The following CD58 variants were observed in gnomAD, a reference collection of about 807,000 sequenced individuals.
CD58 encodes the protein lymphocyte function-associated antigen 3.
CD58 carries 14 observed loss-of-function variants against 27.6 expected under a neutral mutation model. That is an observed-to-expected ratio of 0.51 (90% CI 0.34 to 0.79). The LOEUF is 0.79. CD58 is among the 30% of genes least tolerant of loss of function. The probability of loss-of-function intolerance (pLI) is 0.02; values close to 1 mark genes in which losing one functional copy is unlikely to be tolerated. For missense variants in CD58, 268 were observed against 301.7 expected (o/e 0.89, Z 0.83); for synonymous variants, 117 against 103.8 (o/e 1.13, Z -0.77).
rs868654964 is a variant in CD58, at chr1:116,570,945, C to A, written c.28G>T (p.Ala10Ser). 6.4e-7 allele frequency: 1 copy of A among 1,566,442 alleles called. No individual in the cohort carries two copies. The change falls in exon 1 of 6, where the codon GCC (alanine) becomes TCC (serine). Residue 10 changes from alanine (A) to serine (S), a missense_variant. Ala to Ser is a moderately conservative substitution (Grantham distance 99, BLOSUM62 1). Transcript: ENST00000369489. This position sits in a 1 kb window ranked among gnomAD's most constrained non-coding sequence, Gnocchi z 6.4. ...CAGACCACGCTGAGGACCCCCAGGG[C>A]CCGCCCCGCGTCGCTCCCAGCAACC... is the stretch of plus-strand genomic sequence containing the variant. MVAGSDAGR[A>S]LGVLSVVCLL...
rs1657382321 is a variant in CD58, at chr1:116,524,922, G to A, written c.629-2939C>T. ...CTTCACTTGGCTTTAAATATTTTGA[G>A]TTTCAGGTTCACAACAAAACTGAGC... On this transcript the variant is annotated intron_variant, in intron 3 of 5. Transcript: ENST00000369489. This position sits in a 1 kb window ranked among gnomAD's most constrained non-coding sequence, Gnocchi z 4.6. Among the ~76,000 whole-genome samples, 2 of 152,176 alleles carry A rather than the reference G, an allele frequency of 1.3e-5. No homozygotes were observed. Among genetic ancestry groups the A allele is most frequent in the African/African-American group, 4.8e-5 (2 of 41,446 alleles).
chr1:116,542,692 C>G (rs1658030046), intron 2 of CD58, among the ~76,000 whole-genome samples: 1 of 152,116 alleles, frequency 6.6e-6, no homozygotes, highest in South Asian at 2.1e-4. Context: ...GGTAGAAGCA[C>G]TAGGGTGATA....
At chr1:116,514,999 A>G (rs1045836986) in intron 5 of CD58, among the ~76,000 whole-genome samples, 177 bp from the exon 6 acceptor site, 7 of 152,220 alleles carry the variant, frequency 4.6e-5, no homozygotes, top group Non-Finnish European at 8.8e-5. Context: ...CTCTTGGGAT[A>G]GTAGTCTGAG....
rs569917098 is a variant in CD58, at chr1:116,546,504, C to G, written c.71-1900G>C. 2.5e-4 allele frequency among the ~76,000 whole-genome samples: 38 copies of G among 152,106 alleles called. No homozygotes were observed. Among genetic ancestry groups the G allele is most frequent in the Admixed American group, 5.9e-4 (9 of 15,278 alleles). On this transcript the variant is annotated intron_variant, in intron 1 of 5. Coordinates refer to ENST00000369489, the MANE Select transcript of CD58 (RefSeq NM_001779.3). The surrounding 1 kb of genome is among the most constrained non-coding windows in gnomAD (Gnocchi z 4.1). ...ATGTGGGAAGGCACAAGAAAAAGTA[C>G]AGAATTCAAGGGGTGAGAGTCTACC...
chr1:116,556,794 A>C (rs986433670), intron 1 of CD58, among the ~76,000 whole-genome samples: 1 of 152,252 alleles, frequency 6.6e-6, no homozygotes, highest in Non-Finnish European at 1.5e-5. Context: ...CAGCGGGCCA[A>C]GTGTGAGTCA....
Position 116,517,742 on chromosome 1 carries a change from C to T in CD58, c.743+1489G>A, listed in dbSNP as rs1657129125. Among the ~76,000 whole-genome samples, 1 of 152,160 alleles carries T rather than the reference C, an allele frequency of 6.6e-6. No individual in the cohort carries two copies. The highest frequency in any genetic ancestry group is 2.4e-5 in the African/African-American group (1 of 41,430). On this transcript the variant is annotated intron_variant, in intron 5 of 5. Transcript: ENST00000369489. This position sits in a 1 kb window ranked among gnomAD's most constrained non-coding sequence, Gnocchi z 6.5. ...TTCTTTCTTAGTGACCTCAGGTGCTCACGGCATCAATTACTGTCCAGATGA... is the reference window on the plus strand; with the variant it reads ...TTCTTTCTTAGTGACCTCAGGTGCTTACGGCATCAATTACTGTCCAGATGA...
At chr1:116,562,120 A>G (rs753323043) in intron 1 of CD58, among the ~76,000 whole-genome samples, 1 of 152,224 alleles carries the variant, frequency 6.6e-6, no homozygotes, top group Non-Finnish European at 1.5e-5. Flanking sequence ...ATGCTGGACA[A>G]ATACATTGTC....
chr1:116,538,325 T>C lies in CD58; in HGVS notation c.365-2097A>G, dbSNP rs186508245. ...AGCCTAGAGCCCTGCTCTCCTAACT[T>C]CCTCTGGTCCCTTTTGCCCACCCCA... is the stretch of plus-strand genomic sequence containing the variant. On this transcript the variant is annotated intron_variant, in intron 2 of 5. Coordinates refer to ENST00000369489, the MANE Select transcript of CD58 (RefSeq NM_001779.3). This position sits in a 1 kb window ranked among gnomAD's most constrained non-coding sequence, Gnocchi z 4.7. Among the ~76,000 whole-genome samples the C allele has an allele frequency of 2.6e-5, 4 of 152,250 alleles. No individual in the cohort carries two copies. Among genetic ancestry groups the C allele is most frequent in the Non-Finnish European group, 4.4e-5 (3 of 68,024 alleles).
At chr1:116,529,432 C>A (rs777619935) in intron 3 of CD58, among the ~76,000 whole-genome samples, 1 of 152,210 alleles carries the variant, frequency 6.6e-6, no homozygotes, top group Non-Finnish European at 1.5e-5. Flanking sequence ...AATTTTCAAA[C>A]GGTTAACCAA....
In CD58 at chr1:116,515,892, G is replaced by T. The variant is rs1302183407; in HGVS notation, c.744-1070C>A. Among the ~76,000 whole-genome samples, 1 of 152,132 alleles carries T rather than the reference G, an allele frequency of 6.6e-6. No individual in the cohort carries two copies. Among genetic ancestry groups the T allele is most frequent in the East Asian group, 1.9e-4 (1 of 5,198 alleles). On this transcript the variant is annotated intron_variant, in intron 5 of 5. Coordinates refer to ENST00000369489, the MANE Select transcript of CD58 (RefSeq NM_001779.3). This position sits in a 1 kb window ranked among gnomAD's most constrained non-coding sequence, Gnocchi z 4.6. ...TCAGATGTCTGCTATCTACTCATCT[G>T]TCCTCTGTTGTTCCTAATTGGGTTT...
At chr1:116,560,117 G>A (rs925990920) in intron 1 of CD58, 11 of 152,006 alleles carry the variant, frequency 7.2e-5, no homozygotes, top group Non-Finnish European at 1.2e-4. Context: ...AATACATGTC[G>A]AAATGAAAAT....
intron 2 of CD58, among the ~76,000 whole-genome samples, chr1:116,539,448 G>A (rs1164215731): frequency 3.3e-5 from 5 of 152,078 alleles, no homozygotes; most frequent in African/African-American, 1.2e-4. Context: ...AGGGAATGCT[G>A]TATCAGGTCA....
intron 4 of CD58, among the ~76,000 whole-genome samples, chr1:116,520,367 C>T (rs943423117): frequency 6.6e-6 from 1 of 152,008 alleles, no homozygotes; most frequent in Non-Finnish European, 1.5e-5. Flanking sequence ...CACAACTCGA[C>T]CTCTCAATGT....
At chr1:116,548,042 C>T (rs1490031113) in intron 1 of CD58, among the ~76,000 whole-genome samples, 1 of 152,136 alleles carries the variant, frequency 6.6e-6, no homozygotes, top group East Asian at 1.9e-4. Flanking sequence ...TTGCATTTCC[C>T]TGATAATTAG....
rs779083034 is a variant in CD58, at chr1:116,563,842, C to A, written c.70+7061G>T. The stretch of plus-strand genomic sequence containing the variant: ...GGCTGCCATGAAGGTTTCTGATATG[C>A]CCTGGAGACATTTTCCCCATTGTCT... On this transcript the variant is annotated intron_variant, in intron 1 of 5. Coordinates refer to ENST00000369489, the MANE Select transcript of CD58 (RefSeq NM_001779.3). The surrounding 1 kb of genome is among the most constrained non-coding windows in gnomAD (Gnocchi z 4.1). 2.1e-4 allele frequency among the ~76,000 whole-genome samples: 32 copies of A among 152,350 alleles called. No homozygotes were observed. Among genetic ancestry groups the A allele is most frequent in the Non-Finnish European group, 3.5e-4 (24 of 68,026 alleles).
At chr1:116,543,092 A>G (rs1658044526) in intron 2 of CD58, among the ~76,000 whole-genome samples, 1 of 152,214 alleles carries the variant, frequency 6.6e-6, no homozygotes, top group Admixed American at 6.5e-5. Flanking sequence ...CATGGGTGTG[A>G]GCACAGAATA....
At chr1:116,553,287 T>C (rs965011829) in intron 1 of CD58, among the ~76,000 whole-genome samples, 2 of 152,090 alleles carry the variant, frequency 1.3e-5, no homozygotes, top group African/African-American at 4.8e-5. Context: ...CCATACAAAG[T>C]TTCTATATTT....
chr1:116,520,575 C>T (rs569640666), intron 4 of CD58, among the ~76,000 whole-genome samples: 1 of 151,324 alleles, frequency 6.6e-6, no homozygotes, highest in African/African-American at 2.4e-5. Context: ...AGTGCCACCT[C>T]TCTTTAGTTC....
rs1657471284 is a variant in CD58, at chr1:116,527,657, G to A, written c.629-5674C>T. ...ATTTTCTTTTCTTGTATTGTTCTTT[G>A]GTTTTAGCACAAGAATAATGCTGGC... On this transcript the variant is annotated intron_variant, in intron 3 of 5. Coordinates refer to ENST00000369489, the MANE Select transcript of CD58 (RefSeq NM_001779.3). This position sits in a 1 kb window ranked among gnomAD's most constrained non-coding sequence, Gnocchi z 4.4. Among the ~76,000 whole-genome samples the A allele has an allele frequency of 6.6e-6, 1 of 152,040 alleles. No individual in the cohort carries two copies. Among genetic ancestry groups the A allele is most frequent in the Non-Finnish European group, 1.5e-5 (1 of 67,988 alleles).
Sources: gnomAD v4.1 joint callset for allele counts (sites outside exome capture counted in the v4.1 genomes callset) on GRCh38, gnomAD v4.1.1 for gene constraint, Gnocchi (gnomAD v3.1) non-coding constraint, MANE v1.5 for transcripts, NCBI Gene and HGNC (gene_info 2026-07-23, HGNC 2026-07-21) for gene names.